Variants in LGALS14 observed in about 807,000 individuals in gnomAD.
The protein encoded by LGALS14 is placental protein 13-like.
LGALS14 carries 14 observed loss-of-function variants against 14.6 expected under a neutral mutation model. That is an observed-to-expected ratio of 0.96 (90% CI 0.64 to 1.50). The LOEUF is 1.50. Ranked by LOEUF, LGALS14 falls within the 40% of genes most tolerant of loss-of-function variation. LGALS14 has a pLI of 0.00. For synonymous variants in LGALS14, 57 were observed against 63.9 expected, an observed-to-expected ratio of 0.89 and a Z score of 0.51; for missense variants, 180 against 172.0, an observed-to-expected ratio of 1.05 and a Z score of -0.26.
At chr19:39,706,871 G>C (rs1973722078) in intron 2 of LGALS14, among the ~76,000 whole-genome samples, 198 bp downstream of exon 2, 1 of 152,208 alleles carries the variant, frequency 6.6e-6, no homozygotes. Flanking sequence ...ACGGAACCTA[G>C]GGGAGGAGAA....
intron 1 of LGALS14, chr19:39,705,883 T>C (rs1278123052): frequency 6.2e-7 from 1 of 1,611,910 alleles, no homozygotes; most frequent in South Asian, 1.1e-5. Context: ...GCAGTCGTCG[T>C]AGAAATCAAT....
rs1313914848 is a variant in LGALS14, at chr19:39,707,170, G to T, written c.93-8G>T. 5 of 1,608,252 alleles carry T rather than the reference G, an allele frequency of 3.1e-6. No homozygotes were observed. The highest frequency in any genetic ancestry group is 4.3e-6 in the Non-Finnish European group (5 of 1,174,896). On this transcript the variant is annotated splice_region_variant and splice_polypyrimidine_tract_variant and intron_variant, in intron 2 of 3. Coordinates refer to ENST00000392052, the MANE Select transcript of LGALS14 (RefSeq NM_020129.3). Reference sequence around the variant, plus strand: ...ACCTGCCCAACATGCTGTGTGCTTTGACCTCAGCAAGGACCCACAGCTGGA... The same window carrying T: ...ACCTGCCCAACATGCTGTGTGCTTTTACCTCAGCAAGGACCCACAGCTGGA...
At position 39,707,188 on chromosome 19, in the gene LGALS14, C is replaced by T. The variant is rs754661362; in HGVS notation, c.103C>T (p.Gln35Ter). ...GTGCTTTGACCTCAGCAAGGACCCACAGCTGGAGGTGAATTTCTACACTGG... is the reference window on the plus strand; with the variant it reads ...GTGCTTTGACCTCAGCAAGGACCCATAGCTGGAGGTGAATTTCTACACTGG... ...TPILTFVKDP[Q>*]LEVNFYTGMD... Residue 35 changes from glutamine (Q) to a stop codon, truncating the protein, a stop_gained, in exon 3 of 4, where the codon CAG becomes TAG. Transcript: ENST00000392052. LOFTEE classifies it high-confidence loss of function. The T allele has an allele frequency of 6.2e-7, 1 of 1,613,798 alleles. No individual in the cohort carries two copies. The highest frequency in any genetic ancestry group is 1.3e-5 in the African/African-American group (1 of 75,048).
At position 39,707,383 on chromosome 19, in the gene LGALS14, T is replaced by TA. The variant is rs1973731882; in HGVS notation, c.299dup (p.Tyr100Ter). The TA allele has an allele frequency of 6.2e-7, 1 of 1,613,682 alleles. No individual in the cohort carries two copies. The highest frequency in any genetic ancestry group is 1.3e-5 in the African/African-American group (1 of 75,054). ...GTGCATCTATGTGCGTCACAAGGAA[T>TA]ACAAGGTGAGTACTTCAGGATCTTC... ...ELCIYVRHKEYKVMVNGQRIY... is the reference protein window; with the variant it reads ...ELCIYVRHKE The change falls in exon 3 of 4, where the codon TAC becomes TAAC. Residue 100 changes from tyrosine to a stop codon, truncating the protein, a stop_gained and frameshift_variant. Coordinates refer to ENST00000392052, the MANE Select transcript of LGALS14 (RefSeq NM_020129.3). LOFTEE classifies it low-confidence loss of function (END_TRUNC).
intron 1 of LGALS14, among the ~76,000 whole-genome samples, chr19:39,705,358 T>C (rs1316839371): frequency 6.6e-6 from 1 of 152,186 alleles, no homozygotes; most frequent in African/African-American, 2.4e-5. Context: ...GCCCAGCCTG[T>C]TCTTCCCATT....
At chr19:39,706,390 C>A (rs1325107086) in intron 1 of LGALS14, among the ~76,000 whole-genome samples, 1 of 152,074 alleles carries the variant, frequency 6.6e-6, no homozygotes, top group South Asian at 2.1e-4. Flanking sequence ...GGACTGGAAT[C>A]CAGGCATCCG....
chr19:39,708,863 G>T (rs571011232), intron 3 of LGALS14, among the ~76,000 whole-genome samples: 5 of 152,192 alleles, frequency 3.3e-5, no homozygotes, highest in Non-Finnish European at 7.3e-5. Flanking sequence ...CCCTCTGGCA[G>T]GTCCTGTGCG....
chr19:39,707,343 C>A lies in LGALS14; in HGVS notation c.258C>A (p.Gly86=). The A allele has an allele frequency of 6.2e-7, 1 of 1,614,096 alleles. No homozygotes were observed. The highest frequency in any genetic ancestry group is 1.3e-5 in the African/African-American group (1 of 75,030). Residue 86 remains glycine, a synonymous_variant, in exon 3 of 4, where the codon GGC becomes GGA. Transcript: ENST00000392052. ...EKCYYLPFED[G]KPFELCIYVR... ...GCTACTATTTACCCTTTGAAGATGG[C>A]AAACCATTTGAGCTGTGCATCTATG...
At chr19:39,706,017 T>C (rs368365662) in intron 1 of LGALS14, 207 of 1,613,662 alleles carry the variant, frequency 1.3e-4, no homozygotes, top group Non-Finnish European at 1.6e-4. Flanking sequence ...GTGGTGCGTG[T>C]ACATCCCACA....
At chr19:39,708,739 C>T (rs979959130) in intron 3 of LGALS14, among the ~76,000 whole-genome samples, 1 of 152,214 alleles carries the variant, frequency 6.6e-6, no homozygotes, top group Admixed American at 6.5e-5. Context: ...TTCTTTGCCA[C>T]TAACACCTCA....
chr19:39,708,056 C>T (rs1973744121), intron 3 of LGALS14, among the ~76,000 whole-genome samples: 1 of 152,194 alleles, frequency 6.6e-6, no homozygotes, highest in South Asian at 2.1e-4. Flanking sequence ...GTGATTTGCT[C>T]ACCTTGGCCT....
chr19:39,705,856 A>C, intron 1 of LGALS14: 2 of 1,607,682 alleles, frequency 1.2e-6, no homozygotes, highest in Non-Finnish European at 1.7e-6. Flanking sequence ...AAAATACAGA[A>C]AAATCATCAA....
At chr19:39,705,642 A>T in intron 1 of LGALS14, 1 of 280,220 alleles carries the variant, frequency 3.6e-6, no homozygotes, top group Non-Finnish European at 6.8e-6. Context: ...CAGAAATTTG[A>T]GACCGGTCTA....
chr19:39,705,551 TC>T (rs1239473615), intron 1 of LGALS14, among the ~76,000 whole-genome samples: 1 of 152,184 alleles, frequency 6.6e-6, no homozygotes, highest in Non-Finnish European at 1.5e-5. Context: ...TGGACATTAC[TC>T]AACAAAGCAG....
intron 1 of LGALS14, 42 bp downstream of exon 1, chr19:39,704,585 T>C (rs374071407): frequency 5.0e-5 from 81 of 1,604,410 alleles, no homozygotes; most frequent in Non-Finnish European, 6.5e-5. Context: ...TCAAGTCACA[T>C]AAACCAAGAA....
At chr19:39,705,367 T>C (rs1043160952) in intron 1 of LGALS14, among the ~76,000 whole-genome samples, 1 of 152,150 alleles carries the variant, frequency 6.6e-6, no homozygotes, top group South Asian at 2.1e-4. Flanking sequence ...GTTCTTCCCA[T>C]TGTGGAACAG....
intron 1 of LGALS14, among the ~76,000 whole-genome samples, chr19:39,704,872 T>C (rs534847503): frequency 6.6e-6 from 1 of 152,202 alleles, no homozygotes; most frequent in African/African-American, 2.4e-5. Flanking sequence ...GTGAGTGTGC[T>C]TTGTCTTCCT....
At chr19:39,707,664 T>A (rs186107781) in intron 3 of LGALS14, among the ~76,000 whole-genome samples, 1 of 152,214 alleles carries the variant, frequency 6.6e-6, no homozygotes, top group African/African-American at 2.4e-5. Flanking sequence ...ATGCCATTTT[T>A]AAAATTTTCA....
chr19:39,707,485 A>G (rs1973733117), intron 3 of LGALS14, 97 bp downstream of exon 3: 2 of 926,258 alleles, frequency 2.2e-6, no homozygotes, highest in East Asian at 2.4e-5. Context: ...CTTGGGGCCC[A>G]TCTTCCATAA....
Sources: allele counts gnomAD v4.1 joint callset (sites outside exome capture counted in the v4.1 genomes callset), GRCh38; gene constraint gnomAD v4.1.1; transcripts MANE v1.5; gene names NCBI Gene and HGNC (gene_info 2026-07-23, HGNC 2026-07-21).